PTPRO: variants seen among roughly 807,000 people sequenced by gnomAD.
PTPRO encodes protein tyrosine phosphatase receptor type O.
In PTPRO, 62 loss-of-function variants were observed where a neutral mutation model predicts 145.2. That is an observed-to-expected ratio of 0.43 (90% CI 0.35 to 0.53). PTPRO has a LOEUF of 0.53. PTPRO is among the 20% of genes least tolerant of loss of function. PTPRO has a pLI of 0.01. For missense variants in PTPRO, 1,345 were observed against 1,482.7 expected (o/e 0.91, Z 1.53); for synonymous variants, 565 against 514.7 (o/e 1.10, Z -1.32).
rs769942510 is a variant in PTPRO at position 15,516,805 on chromosome 12, C to CGG, written c.1628_1629insGG (p.Thr544ValfsTer6). The stretch of plus-strand genomic sequence containing the variant: ...GATTTAATGCTCTATCCTTTGGGTC[C>CGG]TACGGCCGTGGTTCTGAGCTGGACC... On this transcript the variant is annotated frameshift_variant, in exon 9 of 27. Coordinates refer to ENST00000281171, the MANE Select transcript of PTPRO (RefSeq NM_030667.3). LOFTEE classifies it high-confidence loss of function. 9.9e-6 allele frequency: 16 copies of CGG among 1,612,052 alleles called. No individual in the cohort carries two copies. In the Admixed American group the frequency reaches 2.7e-4, roughly 27 times the overall value.
At chr12:15,426,054 G>A (rs964701468) in intron 1 of PTPRO, among the ~76,000 whole-genome samples, 2 of 151,398 alleles carry the variant, frequency 1.3e-5, no homozygotes, top group Non-Finnish European at 3.0e-5. Context: ...TTTCATACTA[G>A]AATATAGGGT....
At chr12:15,518,344 T>C (rs1355719551) in intron 9 of PTPRO, among the ~76,000 whole-genome samples, 2 of 152,230 alleles carry the variant, frequency 1.3e-5, no homozygotes, top group African/African-American at 4.8e-5. Context: ...ACAGGGACCC[T>C]GGGCCTGGGC....
intron 1 of PTPRO, among the ~76,000 whole-genome samples, chr12:15,337,702 G>A (rs1866812904): frequency 6.6e-6 from 1 of 152,138 alleles, no homozygotes; most frequent in African/African-American, 2.4e-5. Flanking sequence ...TAAAAACTGT[G>A]GTGCATCCAT....
rs568271820 is a variant in PTPRO, at chr12:15,551,447, A to G, written c.2438-104A>G. ...CATGATTGTTACTATTATTGGTATC[A>G]TCGTAAGCTCACTGCCCTTAAGACT... On this transcript the variant is annotated intron_variant, in intron 14 of 26. Transcript: ENST00000281171. 7.0e-5 allele frequency: 98 copies of G among 1,404,672 alleles called. No homozygotes were observed. The East Asian group carries it at 2.3e-3, about 32-fold the overall frequency. The allele number at this position is 1,404,672 out of a possible 1,614,324, so 87.0% of individuals were successfully genotyped here. A position where few individuals can be genotyped will look rare whatever the true frequency, so the allele number is the denominator to read the frequency against.
chr12:15,367,582 T>C (rs1317714298), intron 1 of PTPRO, among the ~76,000 whole-genome samples: 1 of 152,226 alleles, frequency 6.6e-6, no homozygotes, highest in Non-Finnish European at 1.5e-5. Context: ...TATACAACTG[T>C]ATACTTATGT....
At position 15,501,961 on chromosome 12, in the gene PTPRO, T is replaced by C; in HGVS notation, c.1003T>C (p.Ser335Pro). The change falls in exon 5 of 27, where the codon TCA becomes CCA. Residue 335 changes from serine (S) to proline (P), a missense_variant. Transcript: ENST00000281171. Reference sequence around the variant, plus strand: ...ACTCAGTGAGACAGAGAAGTCAACATCAGGCTCTTTCTCCTTTTTCCCTGT... The same window carrying C: ...ACTCAGTGAGACAGAGAAGTCAACACCAGGCTCTTTCTCCTTTTTCCCTGT... ...STLSETEKST[S>P]GSFSFFPVQM... is the part of the protein sequence containing the mutation. 1.9e-6 allele frequency: 3 copies of C among 1,614,014 alleles called. No homozygotes were observed. The highest frequency in any genetic ancestry group is 2.5e-6 in the Non-Finnish European group (3 of 1,179,920).
At chr12:15,429,527 G>A (rs1017987348) in intron 1 of PTPRO, among the ~76,000 whole-genome samples, 4 of 152,114 alleles carry the variant, frequency 2.6e-5, no homozygotes, top group African/African-American at 9.7e-5. Flanking sequence ...ATGCACAAAT[G>A]TCACAGGGAA....
chr12:15,443,138 A>G (rs1025101323), intron 1 of PTPRO, among the ~76,000 whole-genome samples: 5 of 152,212 alleles, frequency 3.3e-5, no homozygotes, highest in African/African-American at 1.2e-4. Flanking sequence ...AGACCAATGG[A>G]ACAGAATAGA....
intron 1 of PTPRO, among the ~76,000 whole-genome samples, chr12:15,341,238 CTTTT>C: frequency 6.6e-6 from 1 of 151,966 alleles, no homozygotes; most frequent in East Asian, 1.9e-4. Context: ...GTTATTTTTC[CTTTT>C]TTATTTTTTA....
chr12:15,564,474 G>C (rs111699073), intron 17 of PTPRO, among the ~76,000 whole-genome samples: 1,681 of 152,260 alleles, frequency 0.011, 41 homozygotes, highest in African/African-American at 0.039. Flanking sequence ...GCTCAGCCCT[G>C]GGGGGAAGCT....
At chr12:15,483,569 A>G (rs1191252346) in intron 1 of PTPRO, among the ~76,000 whole-genome samples, 2 of 152,118 alleles carry the variant, frequency 1.3e-5, no homozygotes, top group East Asian at 3.9e-4. Context: ...TCTAAAGTAA[A>G]AAGAGTACTT....
intron 1 of PTPRO, among the ~76,000 whole-genome samples, chr12:15,429,999 A>G (rs1452235440): frequency 6.6e-6 from 1 of 152,084 alleles, no homozygotes; most frequent in Admixed American, 6.5e-5. Context: ...ATCAACTACC[A>G]ATTAGAGGAA....
chr12:15,356,869 G>A (rs1248462917), intron 1 of PTPRO, among the ~76,000 whole-genome samples: 5 of 151,612 alleles, frequency 3.3e-5, no homozygotes, highest in Non-Finnish European at 5.9e-5. Flanking sequence ...TCTCCTTTCT[G>A]TGCTATGGTA....
chr12:15,519,355 C>A (rs1368174684), intron 9 of PTPRO, among the ~76,000 whole-genome samples: 1 of 152,168 alleles, frequency 6.6e-6, no homozygotes, highest in African/African-American at 2.4e-5. Context: ...GGGACACAGC[C>A]AAACCATATC....
In PTPRO at chr12:15,589,563, A is replaced by G. The variant is rs749197447; in HGVS notation, c.3519A>G (p.Ser1173=). 1.2e-6 allele frequency: 2 copies of G among 1,614,140 alleles called. No homozygotes were observed. The highest frequency in any genetic ancestry group is 1.7e-5 in the Admixed American group (1 of 60,024). The change falls in exon 25 of 27, where the codon TCA becomes TCG. Residue 1173 remains serine (S), a synonymous_variant. Transcript: ENST00000281171. ...TAGGGCTGGTGTCAGAAATGAGGTCATACCGGATGTCTATGGTACAGACAG... is the reference window on the plus strand; with the variant it reads ...TAGGGCTGGTGTCAGAAATGAGGTCGTACCGGATGTCTATGGTACAGACAG... ...DILGLVSEMR[S]YRMSMVQTEE...
chr12:15,529,481 A>T (rs1942912655), intron 12 of PTPRO, among the ~76,000 whole-genome samples: 1 of 150,986 alleles, frequency 6.6e-6, no homozygotes, highest in Admixed American at 6.6e-5. Flanking sequence ...AAAAAAAAAA[A>T]AGGAAAAAAA....
chr12:15,328,670 G>C (rs548383896), intron 1 of PTPRO, among the ~76,000 whole-genome samples: 3 of 152,204 alleles, frequency 2.0e-5, no homozygotes, highest in Admixed American at 1.3e-4. Context: ...GGAAATTAGA[G>C]AATGAAATGA....
intron 13 of PTPRO, among the ~76,000 whole-genome samples, chr12:15,548,528 A>ATATGTGTG (rs1555086063): frequency 6.7e-6 from 1 of 149,228 alleles, no homozygotes; most frequent in Non-Finnish European, 1.5e-5. Context: ...GTGTATATAT[A>ATATGTGTG]TGTGTGTGTG....
intron 6 of PTPRO, among the ~76,000 whole-genome samples, chr12:15,508,302 T>G (rs1261936296): frequency 2.6e-5 from 4 of 152,168 alleles, no homozygotes; most frequent in Non-Finnish European, 5.9e-5. Context: ...GTGAAGAATT[T>G]ACCAGAATAC....
Sources: gnomAD v4.1 joint callset for allele counts (sites outside exome capture counted in the v4.1 genomes callset) on GRCh38, gnomAD v4.1.1 for gene constraint, MANE v1.5 for transcripts, NCBI Gene and HGNC (gene_info 2026-07-23, HGNC 2026-07-21) for gene names.